TTC27: variants seen among roughly 807,000 people sequenced by gnomAD.
TTC27 encodes the protein tetratricopeptide repeat protein 27.
In TTC27, 79 loss-of-function variants were observed where a neutral mutation model predicts 115.9. That is an observed-to-expected ratio of 0.68 (90% CI 0.57 to 0.82). The LOEUF is 0.82. TTC27 is among the 40% of genes least tolerant of loss of function. The probability of loss-of-function intolerance (pLI) is 0.00; values close to 1 mark genes in which losing one functional copy is unlikely to be tolerated. For missense variants in TTC27, 1,054 were observed against 993.1 expected, an observed-to-expected ratio of 1.06 and a Z score of -0.82; for synonymous variants, 401 against 356.0, an observed-to-expected ratio of 1.13 and a Z score of -1.42.
chr2:32,769,484 A>C (rs1014389104), intron 13 of TTC27, among the ~76,000 whole-genome samples: 1 of 152,158 alleles, frequency 6.6e-6, no homozygotes, highest in African/African-American at 2.4e-5. Flanking sequence ...AGAGTGTTGT[A>C]CTCAGAGGGG....
chr2:32,714,925 T>C, intron 10 of TTC27, among the ~76,000 whole-genome samples: 1 of 152,210 alleles, frequency 6.6e-6, no homozygotes, highest in East Asian at 1.9e-4. Context: ...GCCCACTTTT[T>C]AATGGGGTTG....
chr2:32,760,210 G>T (rs182228626), intron 13 of TTC27, among the ~76,000 whole-genome samples: 1 of 152,336 alleles, frequency 6.6e-6, no homozygotes, highest in East Asian at 1.9e-4. Context: ...TCCAAATCAG[G>T]TAAAAAGCCT....
chr2:32,668,765 A>T (rs1665895705), intron 7 of TTC27, among the ~76,000 whole-genome samples: 1 of 151,878 alleles, frequency 6.6e-6, no homozygotes, highest in South Asian at 2.1e-4. Flanking sequence ...GCTATCAGAA[A>T]TTTTTTCAGA....
chr2:32,815,192 A>G (rs1462986606), intron 18 of TTC27, among the ~76,000 whole-genome samples: 1 of 141,874 alleles, frequency 7.0e-6, no homozygotes, highest in East Asian at 2.1e-4. Flanking sequence ...TTTTAACTGC[A>G]GTTTACATAG....
chr2:32,722,213 A>T (rs1357591704), intron 10 of TTC27, among the ~76,000 whole-genome samples: 3 of 152,202 alleles, frequency 2.0e-5, no homozygotes, highest in Non-Finnish European at 4.4e-5. Context: ...GTGCTGGGTC[A>T]TGCCATCAAG....
At chr2:32,740,209 GAGACAA>G in intron 12 of TTC27, among the ~76,000 whole-genome samples, 1 of 152,290 alleles carries the variant, frequency 6.6e-6, no homozygotes, top group Non-Finnish European at 1.5e-5. Flanking sequence ...TCCTAAATGA[GAGACAA>G]AGACTGAGGG....
chr2:32,642,027 T>C (rs899025336), intron 4 of TTC27, among the ~76,000 whole-genome samples: 3 of 151,930 alleles, frequency 2.0e-5, no homozygotes, highest in African/African-American at 7.2e-5. Flanking sequence ...GGCTCATCTT[T>C]TGTATTTTTA....
chr2:32,722,992 C>G (rs958541595), intron 10 of TTC27, among the ~76,000 whole-genome samples: 3 of 151,916 alleles, frequency 2.0e-5, no homozygotes, highest in Admixed American at 6.6e-5. Context: ...CAACGAGTAG[C>G]TTATAGGTAA....
At chr2:32,649,570 G>T (rs1665005033) in intron 4 of TTC27, among the ~76,000 whole-genome samples, 1 of 150,772 alleles carries the variant, frequency 6.6e-6, no homozygotes, top group Admixed American at 6.6e-5. Context: ...TTTGAGACAG[G>T]GTCTCGCTGT....
At chr2:32,719,035 A>G (rs1231866983) in intron 10 of TTC27, among the ~76,000 whole-genome samples, 1 of 152,204 alleles carries the variant, frequency 6.6e-6, no homozygotes, top group Non-Finnish European at 1.5e-5. Flanking sequence ...AGGAGCTGGT[A>G]GCAGGATCAA....
intron 2 of TTC27, 22 bp from the exon 3 acceptor site, chr2:32,633,854 C>T (rs748009081): frequency 6.2e-7 from 1 of 1,608,386 alleles, no homozygotes; most frequent in East Asian, 2.2e-5. Flanking sequence ...ATATTTATTT[C>T]TTTAACCATT....
At chr2:32,777,417 A>G (rs1362950273) in intron 13 of TTC27, among the ~76,000 whole-genome samples, 1 of 152,206 alleles carries the variant, frequency 6.6e-6, no homozygotes, top group Admixed American at 6.5e-5. Context: ...ACATCCTCCT[A>G]TATACTTTCA....
rs2148046907 is a variant in TTC27 at position 32,811,131 on chromosome 2, T to G, written c.2106T>G (p.Thr702=). ...GKLQELFGRV[T]SRVTNDGEIW... The stretch of plus-strand genomic sequence containing the variant: ...TGCAGGAGTTATTTGGCAGAGTGAC[T>G]TCAAGAGTGACAAATGATGGAGAAA... The change falls in exon 17 of 20, where the codon ACT becomes ACG. Residue 702 remains threonine (T), a synonymous_variant. Transcript: ENST00000317907. 1 of 1,614,194 alleles carries G rather than the reference T, an allele frequency of 6.2e-7. No individual in the cohort carries two copies. The highest frequency in any genetic ancestry group is 8.5e-7 in the Non-Finnish European group (1 of 1,180,036).
intron 5 of TTC27, among the ~76,000 whole-genome samples, chr2:32,663,215 T>C (rs145145742): frequency 3.3e-5 from 5 of 152,290 alleles, no homozygotes; most frequent in East Asian, 1.9e-4. Context: ...CCAGGAGCCA[T>C]TGGGGTATGA....
At chr2:32,678,438 G>GT (rs1031624464) in intron 8 of TTC27, among the ~76,000 whole-genome samples, 5 of 150,572 alleles carry the variant, frequency 3.3e-5, no homozygotes, top group African/African-American at 1.2e-4. Context: ...GTTTTGTTTT[G>GT]TTTTTTTGAA....
At chr2:32,735,960 G>A (rs1668440241) in intron 11 of TTC27, among the ~76,000 whole-genome samples, 1 of 152,076 alleles carries the variant, frequency 6.6e-6, no homozygotes, top group African/African-American at 2.4e-5. Context: ...TTAAATATGT[G>A]TTGAATTTTC....
At chr2:32,705,440 C>A (rs1428573364) in intron 10 of TTC27, among the ~76,000 whole-genome samples, 1 of 152,138 alleles carries the variant, frequency 6.6e-6, no homozygotes, top group African/African-American at 2.4e-5. Context: ...TAACTTTCAC[C>A]CATAGGTTTT....
intron 12 of TTC27, among the ~76,000 whole-genome samples, chr2:32,753,536 G>A (rs1016463526): frequency 7.5e-6 from 1 of 134,072 alleles, no homozygotes; most frequent in African/African-American, 2.8e-5. Flanking sequence ...CTCCCACTCT[G>A]CCTCCCAGGC....
chr2:32,735,273 T>A (rs1469929450), intron 11 of TTC27, among the ~76,000 whole-genome samples: 1 of 152,226 alleles, frequency 6.6e-6, no homozygotes, highest in Admixed American at 6.5e-5. Context: ...AGCTTCTTCA[T>A]CAAGAATGTG....
Sources: allele counts gnomAD v4.1 joint callset (sites outside exome capture counted in the v4.1 genomes callset), GRCh38; gene constraint gnomAD v4.1.1; transcripts MANE v1.5; gene names NCBI Gene and HGNC (gene_info 2026-07-23, HGNC 2026-07-21).